Variants in TMEM266 observed in about 807,000 individuals in gnomAD.
TMEM266 encodes the protein transmembrane protein 266, also known as Hv1 related protein 1.
A neutral mutation model predicts 50.5 loss-of-function variants in TMEM266; 33 were observed. The ratio of observed to expected loss-of-function variants is 0.65; its 90% CI spans 0.50 to 0.87. The LOEUF (loss-of-function observed/expected upper bound fraction) is 0.87. Among genes scored for constraint, TMEM266 ranks in the 40% least tolerant of loss-of-function variants. TMEM266 has a pLI of 0.00. For missense variants in TMEM266, 655 were observed against 695.1 expected (o/e 0.94, Z 0.65); for synonymous variants, 310 against 292.3 (o/e 1.06, Z -0.62).
At chr15:76,107,865 A>G (rs547578691) in intron 1 of TMEM266, among the ~76,000 whole-genome samples, 9 of 152,308 alleles carry the variant, frequency 5.9e-5, no homozygotes, top group African/African-American at 2.2e-4. Context: ...CTCTTATTCC[A>G]TATCCTTCTG....
chr15:76,082,656 G>A (rs1038499246), intron 1 of TMEM266, among the ~76,000 whole-genome samples: 1 of 152,074 alleles, frequency 6.6e-6, no homozygotes, highest in African/African-American at 2.4e-5. Flanking sequence ...GAGCAAGAGA[G>A]CCGCCAGGCT....
intron 3 of TMEM266, among the ~76,000 whole-genome samples, chr15:76,154,134 C>T (rs2037886729): frequency 6.6e-6 from 1 of 152,208 alleles, no homozygotes; most frequent in African/African-American, 2.4e-5. Flanking sequence ...TTTAGGGCTG[C>T]CAACTTTACC....
chr15:76,125,893 G>T (rs1312283189), intron 1 of TMEM266, among the ~76,000 whole-genome samples: 1 of 149,980 alleles, frequency 6.7e-6, no homozygotes, highest in African/African-American at 2.4e-5. Context: ...GATGGCAAAG[G>T]TCCTGAATAA....
intron 1 of TMEM266, among the ~76,000 whole-genome samples, chr15:76,081,081 A>G (rs922946534): frequency 1.3e-5 from 2 of 152,006 alleles, no homozygotes; most frequent in African/African-American, 4.8e-5. Context: ...CCCTTTCTCT[A>G]TTGGGATAGA....
At position 76,169,933 on chromosome 15, in the gene TMEM266, C is replaced by T. The variant is rs1308990515; in HGVS notation, c.513+61C>T. 4 of 1,543,538 alleles carry T rather than the reference C, an allele frequency of 2.6e-6. No individual in the cohort carries two copies. In the African/African-American group the frequency reaches 4.1e-5, roughly 16 times the overall value. On this transcript the variant is annotated intron_variant, in intron 6 of 10. Transcript: ENST00000388942. The stretch of plus-strand genomic sequence containing the variant: ...TGCCATCCTGGAAGCTGGAAAACGT[C>T]ATGTCCCATCCATTCCAGGGTGGAC...
chr15:76,095,949 G>A (rs2036915103), intron 1 of TMEM266, among the ~76,000 whole-genome samples: 1 of 151,880 alleles, frequency 6.6e-6, no homozygotes, highest in African/African-American at 2.4e-5. Flanking sequence ...CATTTCTGTG[G>A]GTCAGTGGTG....
At chr15:76,094,137 A>G (rs1400607047) in intron 1 of TMEM266, among the ~76,000 whole-genome samples, 1 of 152,010 alleles carries the variant, frequency 6.6e-6, no homozygotes, top group East Asian at 1.9e-4. Context: ...CCATTTGTCA[A>G]TTTTGGCTTT....
At chr15:76,111,462 T>G (rs1334066400) in intron 1 of TMEM266, among the ~76,000 whole-genome samples, 1 of 151,886 alleles carries the variant, frequency 6.6e-6, no homozygotes, top group Non-Finnish European at 1.5e-5. Context: ...TAGTAAACAC[T>G]ATTCTAAGCC....
At chr15:76,162,899 G>A (rs2038039850) in intron 5 of TMEM266, among the ~76,000 whole-genome samples, 1 of 152,216 alleles carries the variant, frequency 6.6e-6, no homozygotes, top group African/African-American at 2.4e-5. Flanking sequence ...TGTGGGCCGA[G>A]GGTGGGGCGG....
chr15:76,076,975 G>GT (rs1290095021), intron 1 of TMEM266, among the ~76,000 whole-genome samples: 1 of 151,474 alleles, frequency 6.6e-6, no homozygotes. Context: ...TGTTGTTGTT[G>GT]TTTTTTTGAG....
chr15:76,086,059 A>AG (rs997885841), intron 1 of TMEM266, among the ~76,000 whole-genome samples: 41 of 152,078 alleles, frequency 2.7e-4, no homozygotes, highest in Non-Finnish European at 4.9e-4. Context: ...AAAAGAAAAA[A>AG]AAAAAAAGAA....
intron 7 of TMEM266, 59 bp downstream of exon 7, chr15:76,171,190 C>G (rs2038182928): frequency 6.9e-6 from 11 of 1,591,756 alleles, no homozygotes; most frequent in Non-Finnish European, 9.4e-6. Flanking sequence ...GGGCTTTCAA[C>G]TGAGAGGAGA....
chr15:76,083,364 G>A (rs925864917), intron 1 of TMEM266, among the ~76,000 whole-genome samples: 1 of 151,896 alleles, frequency 6.6e-6, no homozygotes, highest in African/African-American at 2.4e-5. Context: ...TCTCGAGCAA[G>A]GTAATGACCA....
chr15:76,140,221 G>T (rs1567164704), intron 3 of TMEM266, among the ~76,000 whole-genome samples: 1 of 152,224 alleles, frequency 6.6e-6, no homozygotes, highest in Non-Finnish European at 1.5e-5. Context: ...CTCAGCTGGG[G>T]GCGCCGATTG....
At chr15:76,170,255 G>A (rs991083263) in intron 6 of TMEM266, among the ~76,000 whole-genome samples, 1 of 152,204 alleles carries the variant, frequency 6.6e-6, no homozygotes, top group Non-Finnish European at 1.5e-5. Context: ...CCCGCCACAC[G>A]GGTGGGTGTG....
At position 76,139,172 on chromosome 15, in the gene TMEM266, T is replaced by A. The variant is rs2037637728; in HGVS notation, c.227+1277T>A. Among the ~76,000 whole-genome samples the A allele has an allele frequency of 1.3e-5, 2 of 152,212 alleles. No homozygotes were observed. ...ACGAGAAGCCTTAGCTCAAGCTAAA[T>A]TTGCAGAGCTTGGATTCCCTGGGCT... On this transcript the variant is annotated intron_variant, in intron 3 of 10. Transcript: ENST00000388942. The surrounding 1 kb of genome is among the most constrained non-coding windows in gnomAD (Gnocchi z 4.1).
intron 1 of TMEM266, among the ~76,000 whole-genome samples, chr15:76,098,940 G>A (rs1340909995): frequency 6.6e-6 from 1 of 152,120 alleles, no homozygotes; most frequent in Non-Finnish European, 1.5e-5. Context: ...CCAAGCTAGA[G>A]TGTCCCGGGT....
At chr15:76,141,282 C>A (rs1386820478) in intron 3 of TMEM266, among the ~76,000 whole-genome samples, 1 of 149,112 alleles carries the variant, frequency 6.7e-6, no homozygotes, top group Non-Finnish European at 1.5e-5. Flanking sequence ...GTCGCCCAGG[C>A]TGCAGTGTAG....
At chr15:76,166,531 G>A (rs575356814) in intron 5 of TMEM266, among the ~76,000 whole-genome samples, 1 of 152,184 alleles carries the variant, frequency 6.6e-6, no homozygotes, top group East Asian at 1.9e-4. Context: ...CCCTGGCACT[G>A]CTCTGGTTCA....
Sources: gnomAD v4.1 joint callset for allele counts (sites outside exome capture counted in the v4.1 genomes callset) on GRCh38, gnomAD v4.1.1 for gene constraint, Gnocchi (gnomAD v3.1) non-coding constraint, MANE v1.5 for transcripts, NCBI Gene and HGNC (gene_info 2026-07-23, HGNC 2026-07-21) for gene names.